CUX1: variants seen among roughly 807,000 people sequenced by gnomAD.
The protein encoded by CUX1 is protein CASP.
A neutral mutation model predicts 158.8 loss-of-function variants in CUX1; 31 were observed. The ratio of observed to expected loss-of-function variants is 0.20; its 90% confidence interval spans 0.15 to 0.26. The LOEUF (loss-of-function observed/expected upper bound fraction) is 0.26, where lower values mean the gene tolerates loss of function less well. Among genes scored for constraint, CUX1 ranks in the 10% least tolerant of loss-of-function variants. CUX1 has a pLI of 1.00. For missense variants in CUX1, 1,589 were observed against 2,014.6 expected, an observed-to-expected ratio of 0.79 and a Z score of 4.04; for synonymous variants, 879 against 862.1, an observed-to-expected ratio of 1.02 and a Z score of -0.34.
chr7:102,245,268 C>T (rs1407930261), intron 23 of CUX1, among the ~76,000 whole-genome samples: 1 of 152,154 alleles, frequency 6.6e-6, no homozygotes, highest in African/African-American at 2.4e-5. Flanking sequence ...TGGTCTCTAA[C>T]TCCTGAGCTC....
chr7:102,058,453 T>G (rs559386464), intron 3 of CUX1, among the ~76,000 whole-genome samples: 2 of 148,434 alleles, frequency 1.3e-5, no homozygotes, highest in East Asian at 1.9e-4. Flanking sequence ...TTTTTTTTTT[T>G]TGTATTTTTA....
At chr7:102,232,981 C>T (rs1172882154) in intron 21 of CUX1, among the ~76,000 whole-genome samples, 17 of 152,140 alleles carry the variant, frequency 1.1e-4, no homozygotes, top group Admixed American at 9.2e-4. Flanking sequence ...TTGCCTGCCC[C>T]GTTTTCTCAG....
chr7:101,989,507 C>A (rs989912614), intron 2 of CUX1, among the ~76,000 whole-genome samples: 5 of 152,124 alleles, frequency 3.3e-5, no homozygotes, highest in African/African-American at 1.2e-4. Flanking sequence ...AAATTCAAAC[C>A]CGAGTGGAGC....
At chr7:102,280,818 G>C in exon 20 of CUX1, 1 of 1,613,150 alleles carries the variant, frequency 6.2e-7, no homozygotes. Flanking sequence ...GGCAGAGGAA[G>C]TACCTGAGCT....
chr7:102,081,788 A>G lies in CUX1; in HGVS notation c.268+11371A>G, dbSNP rs531000913. ...TTACAGGCGCCTGCCACCATGCCCA[A>G]TTAATTTTTGTATTTCTAGTAGAGA... On this transcript the variant is annotated intron_variant, in intron 4 of 23. Transcript: ENST00000292535. Among the ~76,000 whole-genome samples, 3 of 145,790 alleles carry G rather than the reference A, an allele frequency of 2.1e-5. 1 individual carries two copies. Among genetic ancestry groups the G allele is most frequent in the South Asian group, 2.2e-4 (1 of 4,488 alleles).
intron 9 of CUX1, chr7:102,161,359 AAGAAGT>A (rs1554507097): frequency 6.6e-6 from 1 of 152,156 alleles, no homozygotes; most frequent in African/African-American, 2.4e-5. Context: ...AAAAAAATAA[AAGAAGT>A]AGATGCCTAA....
intron 2 of CUX1, among the ~76,000 whole-genome samples, chr7:101,956,768 C>T (rs777929899): frequency 1.3e-5 from 2 of 152,162 alleles, no homozygotes; most frequent in Admixed American, 6.6e-5. Flanking sequence ...AGCAACATAG[C>T]GAGACCCTGT....
chr7:101,903,844 T>C (rs1802436778), intron 1 of CUX1, among the ~76,000 whole-genome samples: 1 of 152,048 alleles, frequency 6.6e-6, no homozygotes, highest in South Asian at 2.1e-4. Context: ...AAAAAACAAA[T>C]TCTTGATTCT....
At position 102,046,569 on chromosome 7, in the gene CUX1, A is replaced by ATTTTTTTTTTTTTTTTTTTTT. The variant is rs55753644; in HGVS notation, c.189+18431_189+18451dup. Among the ~76,000 whole-genome samples the ATTTTTTTTTTTTTTTTTTTTT allele has an allele frequency of 7.0e-4, 39 of 55,476 alleles. 5 individuals carry two copies. Among genetic ancestry groups the ATTTTTTTTTTTTTTTTTTTTT allele is most frequent in the Admixed American group, 9.2e-4 (4 of 4,342 alleles). The allele number at this position is 55,476 out of a possible 152,430, so 36.4% of individuals were successfully genotyped here. On this transcript the variant is annotated intron_variant, in intron 3 of 23. Transcript: ENST00000292535. ...CCTGTTCTGTTTTGGTTTGGTTTGGATTTTTTTTTTTTTTTTTTTTTTTTT... is the reference window on the plus strand; with the variant it reads ...CCTGTTCTGTTTTGGTTTGGTTTGGATTTTTTTTTTTTTTTTTTTTTTTTTTTTTTTTTTTTTTTTTTTTTT...
rs1042328286 is a variant in CUX1, at chr7:102,241,803, C to A, written c.3887+2219C>A. On this transcript the variant is annotated intron_variant, in intron 23 of 23. Coordinates refer to ENST00000292535, the MANE Select transcript of CUX1 (RefSeq NM_181552.4). ...CTCCCCGTGTTCCAGCTACCTCCCG[C>A]AAGGACAAAATCCAGGATTAGCCAG... Among the ~76,000 whole-genome samples the A allele has an allele frequency of 5.9e-5, 9 of 152,356 alleles. No homozygotes were observed. The East Asian group carries it at 1.7e-3, about 29-fold the overall frequency.
At chr7:102,070,311 T>A in intron 3 of CUX1, 28 bp from the exon 4 acceptor site, 1 of 1,588,284 alleles carries the variant, frequency 6.3e-7, no homozygotes, top group Non-Finnish European at 8.6e-7. Flanking sequence ...CTCTTTGTTT[T>A]TCTTTTCTTT....
rs139517045 is a variant in CUX1, at chr7:101,854,885, C to T, written c.30+37216C>T. Among the ~76,000 whole-genome samples the T allele has an allele frequency of 9.2e-3, 1,398 of 152,356 alleles. 27 individuals carry two copies. The highest frequency in any genetic ancestry group is 0.032 in the African/African-American group (1,331 of 41,578). ...TCAGCCTCCCAAGTAGCTGGGACTACAGGCATGTGCCACCACACCCAGCTA... is the reference window on the plus strand; with the variant it reads ...TCAGCCTCCCAAGTAGCTGGGACTATAGGCATGTGCCACCACACCCAGCTA... On this transcript the variant is annotated intron_variant, in intron 1 of 23. Transcript: ENST00000292535.
intron 11 of CUX1, among the ~76,000 whole-genome samples, chr7:102,184,439 TACATC>T (rs1302100080): frequency 6.6e-6 from 1 of 152,216 alleles, no homozygotes; most frequent in African/African-American, 2.4e-5. Context: ...TTGATCATCC[TACATC>T]TCACCACTGT....
intron 15 of CUX1, 89 bp from the exon 16 acceptor site, chr7:102,198,713 G>T: frequency 8.6e-7 from 1 of 1,161,700 alleles, no homozygotes; most frequent in Non-Finnish European, 1.3e-6. Flanking sequence ...TTAGTGACAG[G>T]CGGCTCAGAT....
At chr7:102,139,311 A>T (rs1585865543) in intron 8 of CUX1, among the ~76,000 whole-genome samples, 1 of 152,044 alleles carries the variant, frequency 6.6e-6, no homozygotes, top group African/African-American at 2.4e-5. Flanking sequence ...TGTAAGTTAA[A>T]ACCTGGGAAG....
intron 21 of CUX1, among the ~76,000 whole-genome samples, chr7:102,231,871 G>A (rs924530492): frequency 4.0e-5 from 6 of 151,764 alleles, no homozygotes; most frequent in Admixed American, 2.0e-4. Context: ...CCACCACCAC[G>A]CCCAGCTAAT....
At chr7:101,939,113 A>G (rs1426869710) in intron 2 of CUX1, among the ~76,000 whole-genome samples, 2 of 88,130 alleles carry the variant, frequency 2.3e-5, no homozygotes, top group East Asian at 4.1e-4. Flanking sequence ...ATATATATAT[A>G]TGATGGTTCC....
In CUX1 at chr7:102,196,983, A is replaced by G. The variant is rs782334066; in HGVS notation, c.1572A>G (p.Gln524=). The G allele has an allele frequency of 2.5e-6, 4 of 1,614,092 alleles. No individual in the cohort carries two copies. Among genetic ancestry groups the G allele is most frequent in the Non-Finnish European group, 3.4e-6 (4 of 1,180,052 alleles). Residue 524 remains glutamine (Q), a synonymous_variant, in exon 15 of 24, where the codon CAA becomes CAG. Transcript: ENST00000292535. ...TNSISSQSPL[Q]QSPDVNGMAP... ...CCATATCTTCCCAAAGTCCATTACA[A>G]CAAAGCCCAGATGTCAATGGCATGG...
intron 2 of CUX1, among the ~76,000 whole-genome samples, chr7:101,975,708 C>T (rs922713361): frequency 6.6e-6 from 1 of 152,232 alleles, no homozygotes; most frequent in Non-Finnish European, 1.5e-5. Context: ...AAACTCAAAA[C>T]TCGTCCATCA....
Sources: allele counts gnomAD v4.1 joint callset (sites outside exome capture counted in the v4.1 genomes callset), GRCh38; gene constraint gnomAD v4.1.1; transcripts MANE v1.5; gene names NCBI Gene and HGNC (gene_info 2026-07-23, HGNC 2026-07-21).